TENM2: variants seen among roughly 807,000 people sequenced by gnomAD.
The protein encoded by TENM2 is teneurin-2.
Under a neutral mutation model 245.2 loss-of-function variants are expected in TENM2, and 52 were observed. That is an observed-to-expected ratio of 0.21 (90% CI 0.17 to 0.27). The LOEUF is 0.27. TENM2 is among the 10% of genes least tolerant of loss of function. The pLI, the probability that TENM2 is intolerant of heterozygous loss-of-function variation, is 1.00. For synonymous variants in TENM2, 1,363 were observed against 1,438.9 expected (o/e 0.95, Z 1.19); for missense variants, 3,046 against 3,666.8 (o/e 0.83, Z 4.37).
intron 2 of TENM2, among the ~76,000 whole-genome samples, chr5:167,640,798 T>C (rs943231663): frequency 2.9e-5 from 4 of 139,782 alleles, no homozygotes; most frequent in Non-Finnish European, 6.2e-5. Context: ...CAGTGTTACC[T>C]ATAGAGAAAT....
intron 2 of TENM2, among the ~76,000 whole-genome samples, chr5:167,862,015 T>C (rs1231187180): frequency 6.6e-6 from 1 of 152,230 alleles, no homozygotes; most frequent in African/African-American, 2.4e-5. Context: ...TATCTAATTG[T>C]TTCCTGACAC....
the TENM2 span, among the ~76,000 whole-genome samples, chr5:167,164,743 A>G: frequency 1.3e-5 from 2 of 152,204 alleles, no homozygotes; most frequent in African/African-American, 2.4e-5. Context: ...CTAATGGATT[A>G]TGTTCATTTT....
chr5:168,173,613 C>T (rs1353155230), intron 13 of TENM2, among the ~76,000 whole-genome samples: 3 of 152,156 alleles, frequency 2.0e-5, no homozygotes, highest in African/African-American at 4.8e-5. Flanking sequence ...ACAGACCACT[C>T]ACCACCAAAA....
chr5:168,024,771 G>T (rs540937374), intron 5 of TENM2, among the ~76,000 whole-genome samples: 2 of 152,166 alleles, frequency 1.3e-5, no homozygotes, highest in Non-Finnish European at 2.9e-5. Flanking sequence ...GGGCCCACTC[G>T]CCAGGCTGGG....
At chr5:167,430,154 T>A (rs1364777018) in intron 2 of TENM2, among the ~76,000 whole-genome samples, 1 of 151,716 alleles carries the variant, frequency 6.6e-6, no homozygotes, top group Non-Finnish European at 1.5e-5. Flanking sequence ...AACGGAGAGG[T>A]TTGTCTGGAA....
chr5:167,801,439 A>G (rs1034296038), intron 2 of TENM2, among the ~76,000 whole-genome samples: 1 of 151,952 alleles, frequency 6.6e-6, no homozygotes, highest in Non-Finnish European at 1.5e-5. Context: ...GAGAATGCCA[A>G]CCCTCTAAAC....
intron 2 of TENM2, among the ~76,000 whole-genome samples, chr5:167,381,963 A>C (rs948365636): frequency 6.6e-5 from 10 of 152,276 alleles, no homozygotes; most frequent in Admixed American, 2.0e-4. Flanking sequence ...TTAATTTGGA[A>C]AGTAATAAAA....
intron 12 of TENM2, among the ~76,000 whole-genome samples, chr5:168,152,079 T>C (rs1427646514): frequency 6.6e-6 from 1 of 152,226 alleles, no homozygotes; most frequent in Non-Finnish European, 1.5e-5. Context: ...CCAAATTACT[T>C]AACTTTTCCA....
intron 12 of TENM2, among the ~76,000 whole-genome samples, chr5:168,152,895 G>A (rs896076672): frequency 6.6e-6 from 1 of 152,140 alleles, no homozygotes; most frequent in African/African-American, 2.4e-5. Flanking sequence ...TTTGAACGCT[G>A]GGCTGCAACC....
intron 1 of TENM2, among the ~76,000 whole-genome samples, chr5:167,320,541 C>T (rs1285067038): frequency 1.4e-5 from 2 of 145,064 alleles, no homozygotes; most frequent in Admixed American, 7.1e-5. Context: ...AAACTCATGT[C>T]GAAGTTTAAT....
At chr5:167,131,308 A>G in the TENM2 span, among the ~76,000 whole-genome samples, 1 of 152,216 alleles carries the variant, frequency 6.6e-6, no homozygotes, top group African/African-American at 2.4e-5. Flanking sequence ...GGTGAGGGGA[A>G]CTGCATTTAT....
At chr5:167,216,882 G>A in the TENM2 span, among the ~76,000 whole-genome samples, 2 of 151,462 alleles carry the variant, frequency 1.3e-5, no homozygotes, top group Admixed American at 1.3e-4. Flanking sequence ...AGTCGAGATC[G>A]CACCACTGCA....
chr5:167,879,088 C>T (rs80112998), intron 3 of TENM2, among the ~76,000 whole-genome samples: 2,207 of 152,268 alleles, frequency 0.014, 28 homozygotes, highest in Middle Eastern at 0.044. Flanking sequence ...CGAGGAGCAC[C>T]TGTTCTATAG....
chr5:168,246,139 A>G (rs1162895540), intron 26 of TENM2, among the ~76,000 whole-genome samples: 2 of 151,626 alleles, frequency 1.3e-5, no homozygotes, highest in Non-Finnish European at 2.9e-5. Flanking sequence ...AGGCTGAGAC[A>G]GGAGAATCGC....
intron 2 of TENM2, among the ~76,000 whole-genome samples, chr5:167,596,586 G>A (rs1220758896): frequency 1.3e-5 from 2 of 152,162 alleles, no homozygotes; most frequent in South Asian, 4.1e-4. Context: ...GAGGTTAGGA[G>A]ATCAAGACCA....
At chr5:167,929,122 AAAGAAAGAAAAGAAAGAAGGGAGGG>A (rs1778074938) in intron 3 of TENM2, among the ~76,000 whole-genome samples, 1 of 113,454 alleles carries the variant, frequency 8.8e-6, no homozygotes. Flanking sequence ...AGAAAGAAAG[AAAGAAAGAAAAGAAAGAAGGGAGGG>A]AGGGAGGGAA....
chr5:167,568,630 G>A (rs944866118), intron 2 of TENM2, among the ~76,000 whole-genome samples: 1 of 150,228 alleles, frequency 6.7e-6, no homozygotes, highest in Non-Finnish European at 1.5e-5. Context: ...TTTGTGCACA[G>A]ACAGGCAGAG....
chr5:167,128,422 C>G, the TENM2 span, among the ~76,000 whole-genome samples: 2 of 152,076 alleles, frequency 1.3e-5, no homozygotes, highest in Non-Finnish European at 2.9e-5. Flanking sequence ...TGTTAAAACT[C>G]AGACGGCTGA....
chr5:167,046,109 A>G, the TENM2 span, among the ~76,000 whole-genome samples: 1 of 152,154 alleles, frequency 6.6e-6, no homozygotes, highest in Non-Finnish European at 1.5e-5. Flanking sequence ...ACACAGAGCA[A>G]GAAGTTAACA....
Sources: allele counts gnomAD v4.1 joint callset (sites outside exome capture counted in the v4.1 genomes callset), GRCh38; gene constraint gnomAD v4.1.1; transcripts MANE v1.5; gene names NCBI Gene and HGNC (gene_info 2026-07-23, HGNC 2026-07-21).